The following EHF variants were observed in gnomAD, a reference collection of about 807,000 sequenced individuals.
The protein encoded by EHF is ETS homologous factor.
Under a neutral mutation model 45.1 loss-of-function variants are expected in EHF, and 14 were observed. The observed-to-expected ratio is 0.31, with a 90% confidence interval of 0.21 to 0.49. The LOEUF (loss-of-function observed/expected upper bound fraction) is 0.49. Among genes scored for constraint, EHF ranks in the 20% least tolerant of loss-of-function variants. The probability of loss-of-function intolerance (pLI) is 0.99; values close to 1 mark genes in which losing one functional copy is unlikely to be tolerated. For missense variants in EHF, 282 were observed against 371.4 expected, an observed-to-expected ratio of 0.76 and a Z score of 1.98; for synonymous variants, 136 against 131.8, an observed-to-expected ratio of 1.03 and a Z score of -0.22.
At chr11:34,634,126 A>G (rs1006877794) in intron 1 of EHF, among the ~76,000 whole-genome samples, 5 of 152,158 alleles carry the variant, frequency 3.3e-5, no homozygotes, top group Non-Finnish European at 4.4e-5. Context: ...TCACAATTCA[A>G]TTCATTTGTA....
rs777969161 is a variant in EHF, at chr11:34,649,011, C to T, written c.344-8C>T. ...CCCTCTCTGACTATCCCAATCTGTC[C>T]TTCACAGGCCAGTGCAGTAGTGACC... On this transcript the variant is annotated splice_region_variant and splice_polypyrimidine_tract_variant and intron_variant, in intron 3 of 8. Coordinates refer to ENST00000257831, the MANE Select transcript of EHF (RefSeq NM_012153.6). 39 of 1,613,010 alleles carry T rather than the reference C, an allele frequency of 2.4e-5. No individual in the cohort carries two copies. The highest frequency in any genetic ancestry group is 3.3e-5 in the Non-Finnish European group (39 of 1,179,302).
chr11:34,647,091 C>A (rs1290971377), intron 3 of EHF, among the ~76,000 whole-genome samples: 2 of 148,332 alleles, frequency 1.3e-5, no homozygotes, highest in Non-Finnish European at 3.0e-5. Context: ...AAAACCCCCC[C>A]CACACACACA....
At chr11:34,643,540 T>C (rs1291820256) in intron 2 of EHF, among the ~76,000 whole-genome samples, 1 of 152,214 alleles carries the variant, frequency 6.6e-6, no homozygotes, top group Non-Finnish European at 1.5e-5. Context: ...GATGGTTTGT[T>C]GGTGACCAGA....
In EHF at chr11:34,662,670, A is replaced by G. The variant is rs557470309; in HGVS notation, c.*3739A>G. 6.6e-6 allele frequency among the ~76,000 whole-genome samples: 1 copy of G among 152,278 alleles called. No individual in the cohort carries two copies. Among genetic ancestry groups the G allele is most frequent in the South Asian group, 2.1e-4 (1 of 4,824 alleles). On this transcript the variant is annotated 3_prime_UTR_variant, in exon 9 of 9. Coordinates refer to ENST00000257831, the MANE Select transcript of EHF (RefSeq NM_012153.6). ...AGTTTTGCAAGCATGTTGTTTTTCA[A>G]ATATATCAAGTATAGAAAAAGGTAA...
chr11:34,642,958 A>T (rs923389368), intron 2 of EHF, among the ~76,000 whole-genome samples: 1 of 152,128 alleles, frequency 6.6e-6, no homozygotes, highest in Non-Finnish European at 1.5e-5. Flanking sequence ...TTCCAGATTG[A>T]CAGCCTGGCA....
Position 34,646,409 on chromosome 11 carries a change from T to A in EHF, c.98-30T>A, listed in dbSNP as rs775468540. On this transcript the variant is annotated intron_variant, in intron 2 of 8. Coordinates refer to ENST00000257831, the MANE Select transcript of EHF (RefSeq NM_012153.6). ...TACTATGGCCAGGAACAGCCAGGGG[T>A]CACTCATGAGGCTGCTTCCTGTTTT... 31 of 1,611,992 alleles carry A rather than the reference T, an allele frequency of 1.9e-5. No individual in the cohort carries two copies. The East Asian group carries it at 6.5e-4, about 34-fold the overall frequency.
chr11:34,642,512 T>A (rs536235269), intron 1 of EHF, 116 bp from the exon 2 acceptor site: 1 of 656,130 alleles, frequency 1.5e-6, no homozygotes, highest in East Asian at 2.8e-5. Context: ...TGGCAGGCAA[T>A]GGGTGGAAGG....
Position 34,660,869 on chromosome 11 carries a change from G to A in EHF, c.*1938G>A, listed in dbSNP as rs1210589312. ...GTGTTTGTAATATATTCATGAGGCT[G>A]GAAGTAAGAAGAATTAAAAATTTGT... On this transcript the variant is annotated 3_prime_UTR_variant, in exon 9 of 9. Transcript: ENST00000257831. The A allele has an allele frequency of 6.6e-6, 1 of 152,134 alleles. No individual in the cohort carries two copies. Among genetic ancestry groups the A allele is most frequent in the Non-Finnish European group, 1.5e-5 (1 of 68,020 alleles). The allele number at this position is 152,134 out of a possible 1,614,324, so 9.4% of individuals were successfully genotyped here.
chr11:34,655,272 C>A (rs555608075), intron 6 of EHF, among the ~76,000 whole-genome samples: 1 of 152,086 alleles, frequency 6.6e-6, no homozygotes, highest in African/African-American at 2.4e-5. Flanking sequence ...CATGACGTTT[C>A]GAGAAATTGC....
chr11:34,632,672 C>T, intron 1 of EHF: 3 of 1,535,414 alleles, frequency 2.0e-6, no homozygotes, highest in Non-Finnish European at 2.6e-6. Context: ...TCTCAAATGC[C>T]AGAGAGGGTT....
chr11:34,656,858 G>C, intron 6 of EHF, 50 bp from the exon 7 acceptor site: 1 of 1,590,790 alleles, frequency 6.3e-7, no homozygotes, highest in Non-Finnish European at 8.6e-7. Context: ...GAATAAAAAA[G>C]AGAATTATAG....
intron 1 of EHF, chr11:34,631,399 A>T: frequency 5.9e-6 from 1 of 168,112 alleles, no homozygotes; most frequent in Non-Finnish European, 1.2e-5. Flanking sequence ...GCCATTGCTT[A>T]ATTAATGTTG....
rs911351715 is a variant in EHF at position 34,661,610 on chromosome 11, G to A, written c.*2679G>A. ...TCTATTGTCTTGACTTGAGTTTGCT[G>A]CATTTTCTATGTGCTGTTCGTGACT... is the stretch of plus-strand genomic sequence containing the variant. On this transcript the variant is annotated 3_prime_UTR_variant, in exon 9 of 9. Coordinates refer to ENST00000257831, the MANE Select transcript of EHF (RefSeq NM_012153.6). Among the ~76,000 whole-genome samples the A allele has an allele frequency of 6.6e-6, 1 of 152,142 alleles. No individual in the cohort carries two copies. The highest frequency in any genetic ancestry group is 2.4e-5 in the African/African-American group (1 of 41,452).
intron 1 of EHF, among the ~76,000 whole-genome samples, chr11:34,640,533 T>C (rs1401529320): frequency 1.3e-5 from 2 of 152,166 alleles, no homozygotes; most frequent in Non-Finnish European, 2.9e-5. Context: ...AACAAGACAC[T>C]GGGCCCTGGG....
chr11:34,640,114 T>C (rs1482410773), intron 1 of EHF, among the ~76,000 whole-genome samples: 1 of 152,056 alleles, frequency 6.6e-6, no homozygotes, highest in Non-Finnish European at 1.5e-5. Flanking sequence ...TTCCCATTTA[T>C]CAGGTACAGA....
chr11:34,649,934 C>T (rs1045630468), intron 4 of EHF, among the ~76,000 whole-genome samples: 1 of 152,192 alleles, frequency 6.6e-6, no homozygotes. Flanking sequence ...AGTTATTTAC[C>T]CTTTCATAAG....
chr11:34,633,889 G>A (rs1853140020), intron 1 of EHF, among the ~76,000 whole-genome samples: 1 of 152,102 alleles, frequency 6.6e-6, no homozygotes. Flanking sequence ...AGCATACTAT[G>A]TATATTTCCA....
At position 34,642,704 on chromosome 11, in the gene EHF, C is replaced by G. The variant is rs1456734103; in HGVS notation, c.74C>G (p.Thr25Arg). 2 of 1,613,986 alleles carry G rather than the reference C, an allele frequency of 1.2e-6. No individual in the cohort carries two copies. The highest frequency in any genetic ancestry group is 1.7e-6 in the Non-Finnish European group (2 of 1,179,894). The stretch of plus-strand genomic sequence containing the variant: ...CTCCTTCACCAGCCGCCAGCCTGGA[C>G]AGACAGCTACTCCACGTGCAATGGT... The part of the protein sequence containing the change: ...NNLLHQPPAW[T>R]DSYSTCNVSS... The change falls in exon 2 of 9, where the codon ACA becomes AGA. Residue 25 changes from threonine (T) to arginine (R), a missense_variant. This residue lies in a region of EHF where 213 missense variants were observed against 247.3 expected (regional missense o/e 0.86). Transcript: ENST00000257831.
At chr11:34,655,161 G>T (rs1466343842) in intron 6 of EHF, among the ~76,000 whole-genome samples, 1 of 152,114 alleles carries the variant, frequency 6.6e-6, no homozygotes, top group Non-Finnish European at 1.5e-5. Context: ...CCCAAGTCAG[G>T]TGCAGGCCCT....
Sources: gnomAD v4.1 joint callset for allele counts (sites outside exome capture counted in the v4.1 genomes callset) on GRCh38, gnomAD v4.1.1 for gene constraint, gnomAD v4.1.1 regional missense constraint, MANE v1.5 for transcripts, NCBI Gene and HGNC (gene_info 2026-07-23, HGNC 2026-07-21) for gene names.